The following NBAS variants were observed in gnomAD, a reference collection of about 807,000 sequenced individuals.
The protein encoded by NBAS is NAG/BC035112 fusion.
Under a neutral mutation model 302.5 loss-of-function variants are expected in NBAS, and 219 were observed. The observed-to-expected ratio is 0.72, with a 90% CI of 0.65 to 0.81. The LOEUF (loss-of-function observed/expected upper bound fraction) is 0.81. Among genes scored for constraint, NBAS ranks in the 30% least tolerant of loss-of-function variants. The pLI is 0.00. For missense variants in NBAS, 2,932 were observed against 2,841.6 expected, an observed-to-expected ratio of 1.03 and a Z score of -0.72; for synonymous variants, 1,118 against 1,021.6, an observed-to-expected ratio of 1.09 and a Z score of -1.80.
At chr2:15,546,771 A>G (rs983780891) in intron 6 of NBAS, among the ~76,000 whole-genome samples, 1 of 152,214 alleles carries the variant, frequency 6.6e-6, no homozygotes, top group Non-Finnish European at 1.5e-5. Flanking sequence ...CAAATAGTCT[A>G]TCCTTCCCAA....
At chr2:15,389,742 G>A (rs970152872) in intron 28 of NBAS, among the ~76,000 whole-genome samples, 1 of 152,210 alleles carries the variant, frequency 6.6e-6, no homozygotes. Flanking sequence ...TGATCCCTGA[G>A]AGATAAAAAC....
At chr2:15,254,682 C>G (rs565281750) in intron 44 of NBAS, among the ~76,000 whole-genome samples, 2 of 152,244 alleles carry the variant, frequency 1.3e-5, no homozygotes, top group Admixed American at 6.5e-5. Flanking sequence ...GTAGTATTTT[C>G]TCTCTCATTC....
intron 13 of NBAS, 60 bp downstream of exon 13, chr2:15,478,166 A>T: frequency 8.7e-7 from 1 of 1,148,386 alleles, no homozygotes; most frequent in Non-Finnish European, 1.3e-6. Flanking sequence ...ATCCAAAGAG[A>T]ATCTTGTATA....
At chr2:15,440,756 G>GA (rs950939209) in intron 21 of NBAS, among the ~76,000 whole-genome samples, 1 of 152,036 alleles carries the variant, frequency 6.6e-6, no homozygotes, top group Non-Finnish European at 1.5e-5. Context: ...TGAAAACTTT[G>GA]AAAAAAATTT....
the NBAS span, among the ~76,000 whole-genome samples, chr2:15,115,731 T>C: frequency 6.6e-6 from 1 of 152,142 alleles, no homozygotes; most frequent in East Asian, 1.9e-4. Flanking sequence ...CAGCATGTTT[T>C]TGAACTCCTG....
rs748375919 is a variant in NBAS at position 15,504,161 on chromosome 2, C to T, written c.938G>A (p.Arg313His). ...TTGTGTTACCTGTTCTTGTCCCTGG[C>T]GACTGTAAAACTTGACACTTAACAT... ...LRMLSVKFYS[R>H]QGQEQDGIFK... The change falls in exon 11 of 52, where the codon CGC becomes CAC. Residue 313 changes from arginine (R) to histidine (H), a missense_variant. Arg to His is a conservative substitution (Grantham distance 29). Transcript: ENST00000281513. The T allele has an allele frequency of 7.4e-6, 12 of 1,613,322 alleles. No individual in the cohort carries two copies. Among genetic ancestry groups the T allele is most frequent in the East Asian group, 4.5e-5 (2 of 44,822 alleles).
At chr2:15,470,233 A>C (rs1679900643) in intron 16 of NBAS, among the ~76,000 whole-genome samples, 1 of 152,172 alleles carries the variant, frequency 6.6e-6, no homozygotes, top group Admixed American at 6.5e-5. Flanking sequence ...CCCTGCCCCA[A>C]GCAAGGTTTC....
the NBAS span, among the ~76,000 whole-genome samples, chr2:14,828,522 T>C: frequency 6.6e-6 from 1 of 152,306 alleles, no homozygotes; most frequent in East Asian, 1.9e-4. Flanking sequence ...GATTTTATTC[T>C]AGGCTCAATG....
At chr2:15,254,903 GGTGTGT>G (rs111732767) in intron 44 of NBAS, among the ~76,000 whole-genome samples, 30 of 149,374 alleles carry the variant, frequency 2.0e-4, no homozygotes, top group Admixed American at 7.4e-4. Flanking sequence ...TGTTCCATGG[GGTGTGT>G]GTGTGTGTGT....
the NBAS span, among the ~76,000 whole-genome samples, chr2:15,053,584 A>G: frequency 6.6e-6 from 1 of 152,184 alleles, no homozygotes; most frequent in Non-Finnish European, 1.5e-5. Flanking sequence ...CTTCTCAGAT[A>G]AAACTCTCCA....
At chr2:15,360,649 CTT>C (rs369254532) in intron 32 of NBAS, among the ~76,000 whole-genome samples, 22 of 123,244 alleles carry the variant, frequency 1.8e-4, no homozygotes, top group African/African-American at 4.5e-4. Context: ...CATGACCAGC[CTT>C]TTTTTTTTTT....
the NBAS span, among the ~76,000 whole-genome samples, chr2:14,808,666 T>C: frequency 1.3e-5 from 2 of 152,186 alleles, no homozygotes; most frequent in Admixed American, 1.3e-4. Flanking sequence ...ATCAGCAGCA[T>C]GAAAACAGAC....
At chr2:15,518,974 C>A (rs563757179) in intron 9 of NBAS, among the ~76,000 whole-genome samples, 1 of 152,088 alleles carries the variant, frequency 6.6e-6, no homozygotes, top group Non-Finnish European at 1.5e-5. Context: ...TCCCACAACA[C>A]GTGGAAATTA....
rs190885682 is a variant in NBAS at position 15,278,641 on chromosome 2, C to A, written c.5139-1540G>T. Among the ~76,000 whole-genome samples the A allele has an allele frequency of 4.1e-3, 618 of 152,258 alleles. 15 individuals carry two copies. The highest frequency in any genetic ancestry group is 0.036 in the Admixed American group (550 of 15,294). On this transcript the variant is annotated intron_variant, in intron 42 of 51. Transcript: ENST00000281513. Reference sequence around the variant, plus strand: ...TATGTACAAGGCACTGTGCTCACCACTGGGGAGGATATAAAGACTTACAGC... The same window carrying A: ...TATGTACAAGGCACTGTGCTCACCAATGGGGAGGATATAAAGACTTACAGC...
At position 15,474,055 on chromosome 2, in the gene NBAS, C is replaced by A; in HGVS notation, c.1599+12G>T. 6.2e-7 allele frequency: 1 copy of A among 1,614,042 alleles called. No individual in the cohort carries two copies. Among genetic ancestry groups the A allele is most frequent in the South Asian group, 1.1e-5 (1 of 91,076 alleles). On this transcript the variant is annotated intron_variant, in intron 15 of 51. Transcript: ENST00000281513. ...GACTTCAAACTTGGGTAGTAATATG[C>A]TACTCTCTCACCTTCCTCTGATAAA...
chr2:15,425,055 A>C (rs1677401761), intron 22 of NBAS, among the ~76,000 whole-genome samples: 1 of 152,182 alleles, frequency 6.6e-6, no homozygotes, highest in Non-Finnish European at 1.5e-5. Flanking sequence ...AAAAAAAAAG[A>C]AACCACATTT....
chr2:15,229,799 GA>G (rs571083427), intron 47 of NBAS, among the ~76,000 whole-genome samples: 1 of 147,566 alleles, frequency 6.8e-6, no homozygotes, highest in African/African-American at 2.5e-5. Context: ...AAAAAGAAAA[GA>G]AAAAAAAAGA....
downstream of NBAS, among the ~76,000 whole-genome samples, chr2:15,165,974 C>A (rs1348568250): frequency 6.6e-6 from 1 of 151,768 alleles, no homozygotes; most frequent in East Asian, 1.9e-4. Flanking sequence ...CTCCAACGGC[C>A]CCCCGGTCAC....
At chr2:15,531,967 T>G (rs1484660443) in intron 9 of NBAS, among the ~76,000 whole-genome samples, 1 of 152,202 alleles carries the variant, frequency 6.6e-6, no homozygotes, top group Non-Finnish European at 1.5e-5. Context: ...ATTCATTGTT[T>G]GTTGTCTGTC....
Sources: allele counts gnomAD v4.1 joint callset (sites outside exome capture counted in the v4.1 genomes callset), GRCh38; gene constraint gnomAD v4.1.1; transcripts MANE v1.5; gene names NCBI Gene and HGNC (gene_info 2026-07-23, HGNC 2026-07-21).